SAXO1: variants seen among roughly 807,000 people sequenced by gnomAD.
SAXO1 encodes 4930500O09Rik.
A neutral mutation model predicts 17.5 loss-of-function variants in SAXO1; 21 were observed. The ratio of observed to expected loss-of-function variants is 1.20; its 90% CI spans 0.85 to 1.72. The LOEUF is 1.72. Ranked by LOEUF, SAXO1 falls within the 40% of genes most tolerant of loss-of-function variation. SAXO1 has a pLI of 0.00. For missense variants in SAXO1, 843 were observed against 596.0 expected (o/e 1.41, Z -4.32); for synonymous variants, 274 against 216.5 (o/e 1.27, Z -2.33).
In SAXO1 at chr9:18,941,962, C is replaced by A. The variant is rs1030793427; in HGVS notation, c.219-123G>T. The A allele has an allele frequency of 1.7e-5, 15 of 858,126 alleles. No homozygotes were observed. In the Admixed American group the frequency reaches 2.8e-4, roughly 16 times the overall value. 53.2% of individuals were successfully genotyped at this position (858,126 alleles called of 1,614,324 possible). ...CTGTTCTACTCTACCTGCCTTCCCT[C>A]CTCCCCCGAACTGTTTCTCCTCTAT... is the stretch of plus-strand genomic sequence containing the variant. On this transcript the variant is annotated intron_variant, in intron 2 of 3. Transcript: ENST00000380534.
chr9:18,941,610 C>T (rs1417697154), intron 3 of SAXO1, 27 bp downstream of exon 3: 17 of 1,613,114 alleles, frequency 1.1e-5, no homozygotes, highest in Non-Finnish European at 1.4e-5. Flanking sequence ...TGTCTTTCCC[C>T]CAATCTGCCC....
At chr9:19,019,034 G>C (rs891649914) in intron 1 of SAXO1, among the ~76,000 whole-genome samples, 1 of 152,096 alleles carries the variant, frequency 6.6e-6, no homozygotes, top group African/African-American at 2.4e-5. Context: ...ACTTGAATTT[G>C]GAAGGTGGAG....
At chr9:18,996,860 A>T (rs961727889) in intron 1 of SAXO1, among the ~76,000 whole-genome samples, 1 of 152,214 alleles carries the variant, frequency 6.6e-6, no homozygotes, top group African/African-American at 2.4e-5. Context: ...CAAGAAAAAA[A>T]ACATAGTAAA....
intron 1 of SAXO1, among the ~76,000 whole-genome samples, chr9:18,986,233 A>C (rs937102242): frequency 6.6e-6 from 1 of 151,674 alleles, no homozygotes; most frequent in Non-Finnish European, 1.5e-5. Context: ...CATTTAACAA[A>C]TAATGGCATG....
chr9:19,023,980 T>TA lies in SAXO1; in HGVS notation c.38+8890dup, dbSNP rs575162402. On this transcript the variant is annotated intron_variant, in intron 1 of 3. Transcript: ENST00000380534. ...ATAGTGACACCTCATCTCTATATTT[T>TA]AAAAAAGAAGAAGAAATGCTACTCT... Among the ~76,000 whole-genome samples the TA allele has an allele frequency of 3.1e-3, 410 of 130,894 alleles. 7 individuals carry two copies. The South Asian group carries it at 0.043, about 14-fold the overall frequency. 85.9% of individuals were successfully genotyped at this position (130,894 alleles called of 152,430 possible). A position where few individuals can be genotyped will look rare whatever the true frequency, so the allele number is the denominator to read the frequency against.
intron 3 of SAXO1, among the ~76,000 whole-genome samples, chr9:18,936,848 C>T (rs1831315736): frequency 1.3e-5 from 2 of 152,182 alleles, no homozygotes; most frequent in African/African-American, 2.4e-5. Context: ...CAAATTACAA[C>T]CAAATGCCGC....
At chr9:19,002,495 A>G (rs1011703354) in intron 1 of SAXO1, among the ~76,000 whole-genome samples, 10 of 152,240 alleles carry the variant, frequency 6.6e-5, no homozygotes, top group Admixed American at 3.3e-4. Flanking sequence ...AAAATTCTCA[A>G]TAAAATACTG....
intron 1 of SAXO1, among the ~76,000 whole-genome samples, chr9:19,045,203 G>C (rs1323762985): frequency 6.6e-6 from 1 of 150,506 alleles, no homozygotes; most frequent in East Asian, 2.0e-4. Flanking sequence ...CCAGCTACTC[G>C]GGAGGCTGAG....
At chr9:18,977,530 A>G (rs1833198972) in intron 1 of SAXO1, among the ~76,000 whole-genome samples, 1 of 152,218 alleles carries the variant, frequency 6.6e-6, no homozygotes, top group South Asian at 2.1e-4. Flanking sequence ...AAGGGGTGGA[A>G]TACAAATTTA....
intron 3 of SAXO1, among the ~76,000 whole-genome samples, chr9:18,934,549 G>A (rs1831205232): frequency 1.3e-5 from 2 of 152,094 alleles, no homozygotes; most frequent in South Asian, 2.1e-4. Context: ...TCTATTTGAT[G>A]AGCAATTGTT....
At chr9:18,931,319 G>C (rs751043021) in intron 3 of SAXO1, among the ~76,000 whole-genome samples, 1 of 152,110 alleles carries the variant, frequency 6.6e-6, no homozygotes, top group Non-Finnish European at 1.5e-5. Context: ...ATGTAATTGA[G>C]GTTCATCCAT....
intron 1 of SAXO1, among the ~76,000 whole-genome samples, chr9:19,040,064 A>G (rs1252484590): frequency 6.6e-6 from 1 of 152,140 alleles, no homozygotes; most frequent in Non-Finnish European, 1.5e-5. Flanking sequence ...TTCCAACCTT[A>G]TATGTTCCAA....
intron 1 of SAXO1, among the ~76,000 whole-genome samples, chr9:19,042,876 A>G (rs1431627417): frequency 6.6e-6 from 1 of 151,254 alleles, no homozygotes; most frequent in African/African-American, 2.4e-5. Context: ...AAGAGAAAGA[A>G]AGAAAGAAAA....
chr9:18,936,700 T>C (rs1350165660), intron 3 of SAXO1, among the ~76,000 whole-genome samples: 1 of 152,182 alleles, frequency 6.6e-6, no homozygotes, highest in Non-Finnish European at 1.5e-5. Context: ...CAGAGTGTCA[T>C]GTGGGTAATT....
At chr9:19,013,303 G>C (rs955331751) in intron 1 of SAXO1, among the ~76,000 whole-genome samples, 2 of 152,112 alleles carry the variant, frequency 1.3e-5, no homozygotes, top group African/African-American at 4.8e-5. Context: ...GGGTAACAAA[G>C]CCAGGCTATA....
At chr9:19,010,200 G>A (rs1267186801) in intron 1 of SAXO1, among the ~76,000 whole-genome samples, 1 of 151,932 alleles carries the variant, frequency 6.6e-6, no homozygotes, top group Non-Finnish European at 1.5e-5. Flanking sequence ...ACCTAGTAAG[G>A]TTTATTTTCA....
In SAXO1 at chr9:18,928,170, T is replaced by A; in HGVS notation, c.1307A>T (p.Asp436Val). The stretch of plus-strand genomic sequence containing the variant: ...TTTGTATATCCTGTGACCCAAAGCA[T>A]CCACTTCCTCAAAGGTGTAGCCAGG... ...EPPGYTFEEV[D>V]ALGHRIYKPV... Residue 436 changes from aspartate to valine, a missense_variant, in exon 4 of 4, where the codon GAT becomes GTT. By Grantham distance (152) the Asp-to-Val change is radical. Transcript: ENST00000380534. The A allele has an allele frequency of 6.2e-7, 1 of 1,614,198 alleles. No homozygotes were observed. Among genetic ancestry groups the A allele is most frequent in the Admixed American group, 1.7e-5 (1 of 60,026 alleles).
chr9:18,985,810 C>T (rs1008166115), intron 1 of SAXO1, among the ~76,000 whole-genome samples: 2 of 152,226 alleles, frequency 1.3e-5, no homozygotes, highest in African/African-American at 4.8e-5. Flanking sequence ...TTTAAAAACA[C>T]ATAGACTGCA....
chr9:19,022,711 G>T (rs1401171896), intron 1 of SAXO1, among the ~76,000 whole-genome samples: 2 of 152,186 alleles, frequency 1.3e-5, no homozygotes, highest in East Asian at 3.9e-4. Flanking sequence ...GTTAACATTA[G>T]AATGAAGGGC....
Sources: gnomAD v4.1 joint callset for allele counts (sites outside exome capture counted in the v4.1 genomes callset) on GRCh38, gnomAD v4.1.1 for gene constraint, MANE v1.5 for transcripts, NCBI Gene and HGNC (gene_info 2026-07-23, HGNC 2026-07-21) for gene names.